PSG8: variants seen among roughly 807,000 people sequenced by gnomAD.
The protein encoded by PSG8 is pregnancy-specific beta-1-glycoprotein 8.
In PSG8, 57 loss-of-function variants were observed where a neutral mutation model predicts 42.5. That is an observed-to-expected ratio of 1.34 (90% CI 1.08 to 1.67). The LOEUF (loss-of-function observed/expected upper bound fraction) is 1.67, where lower values mean the gene tolerates loss of function less well. Among genes scored for constraint, PSG8 ranks in the 40% most tolerant of loss-of-function variants. The probability of loss-of-function intolerance (pLI) is 0.00; values close to 1 mark genes in which losing one functional copy is unlikely to be tolerated. For synonymous variants in PSG8, 280 were observed against 196.8 expected, an observed-to-expected ratio of 1.42 and a Z score of -3.54; for missense variants, 783 against 518.6, an observed-to-expected ratio of 1.51 and a Z score of -4.95.
rs943698791 is a variant in PSG8 at position 42,763,735 on chromosome 19, G to A, written c.430+181C>T. On this transcript the variant is annotated intron_variant, in intron 2 of 4. Transcript: ENST00000306511. ...GTCTGCAGGGTCTGGATGCGGGAAA[G>A]GAATTCTGATCTGTTGAAATTTGTC... The A allele has an allele frequency of 1.8e-5, 22 of 1,240,530 alleles. No homozygotes were observed. In the African/African-American group the frequency reaches 3.3e-4, roughly 18 times the overall value. 76.8% of individuals were successfully genotyped at this position (1,240,530 alleles called of 1,614,324 possible). A position where few individuals can be genotyped will look rare whatever the true frequency, so the allele number is the denominator to read the frequency against.
downstream of PSG8, chr19:42,753,210 T>C (rs569186357): frequency 4.5e-5 from 35 of 769,622 alleles, no homozygotes; most frequent in South Asian, 4.5e-4. Flanking sequence ...TTTTAGTGAG[T>C]TCTGAGTGGC....
intron 2 of PSG8, among the ~76,000 whole-genome samples, chr19:42,761,666 T>C (rs948912151): frequency 6.6e-6 from 1 of 152,000 alleles, no homozygotes; most frequent in Non-Finnish European, 1.5e-5. Flanking sequence ...GCAGTACTTA[T>C]TTTTTAGTCC....
rs148036395 is a variant in PSG8 at position 42,764,217 on chromosome 19, G to T, written c.129C>A (p.Thr43=). The T allele has an allele frequency of 6.2e-6, 10 of 1,613,666 alleles. No homozygotes were observed. Among genetic ancestry groups the T allele is most frequent in the East Asian group, 2.2e-5 (1 of 44,836 alleles). The change falls in exon 2 of 5, where the codon ACC becomes ACA. Residue 43 remains threonine (T), a synonymous_variant. Coordinates refer to ENST00000306511, the MANE Select transcript of PSG8 (RefSeq NM_182707.3). ...GAACATCCTTCCCCTCAGAAACTTT[G>T]GTTGGCTGGGCTTCAATCGTGACTT... ...TAQVTIEAQP[T]KVSEGKDVLL...
At position 42,757,197 on chromosome 19, in the gene PSG8, G is replaced by C. The variant is rs1322801084; in HGVS notation, c.709+805C>G. 2.0e-5 allele frequency among the ~76,000 whole-genome samples: 3 copies of C among 152,144 alleles called. No individual in the cohort carries two copies. The East Asian group carries it at 5.8e-4, about 29-fold the overall frequency. On this transcript the variant is annotated intron_variant, in intron 3 of 4. Transcript: ENST00000306511. The stretch of plus-strand genomic sequence containing the variant: ...GAAAGAGTGAAGGGGACAGGCAAAA[G>C]CTGGTGGTTTTGGAGCAGAAACATA...
In PSG8 at chr19:42,758,530, A is replaced by T. The variant is rs558371889; in HGVS notation, c.431-250T>A. The T allele has an allele frequency of 2.5e-5, 20 of 806,830 alleles. No individual in the cohort carries two copies. The South Asian group carries it at 4.1e-4, about 16-fold the overall frequency. The allele number at this position is 806,830 out of a possible 1,614,324, so 50.0% of individuals were successfully genotyped here. On this transcript the variant is annotated intron_variant, in intron 2 of 4. Transcript: ENST00000306511. ...AGCAGCAGCATTGGGTCATGGAAAG[A>T]CACAGGACCAGCAGTCACAGCCCCT...
At chr19:42,760,098 G>T (rs1271489944) in intron 2 of PSG8, among the ~76,000 whole-genome samples, 19 of 152,156 alleles carry the variant, frequency 1.2e-4, no homozygotes, top group Non-Finnish European at 2.8e-4. Context: ...CCCAAAACAG[G>T]TATGTGAAAT....
At chr19:42,759,306 G>A (rs557209038) in intron 2 of PSG8, among the ~76,000 whole-genome samples, 4 of 152,238 alleles carry the variant, frequency 2.6e-5, no homozygotes, top group East Asian at 1.9e-4. Context: ...TAGAATAGGA[G>A]TTTCTACGAG....
At chr19:42,758,424 G>A (rs1600412448) in intron 2 of PSG8, 144 bp from the exon 3 acceptor site, 2 of 1,492,852 alleles carry the variant, frequency 1.3e-6, no homozygotes, top group East Asian at 4.5e-5. Context: ...TTGCAAGACA[G>A]ATGCAGGGCA....
downstream of PSG8, chr19:42,753,077 T>G (rs562845772): frequency 0.012 from 7,123 of 607,430 alleles, 330 homozygotes; most frequent in African/African-American, 0.11. Flanking sequence ...TTAAGAGGGG[T>G]GAGAGCCTCA....
At chr19:42,760,407 C>T (rs1600416025) in intron 2 of PSG8, among the ~76,000 whole-genome samples, 1 of 152,216 alleles carries the variant, frequency 6.6e-6, no homozygotes, top group Admixed American at 6.5e-5. Flanking sequence ...TTGCTATTGT[C>T]AAAACAAAAT....
At chr19:42,758,585 C>G (rs1419701370) in intron 2 of PSG8, 41 of 477,200 alleles carry the variant, frequency 8.6e-5, no homozygotes, top group South Asian at 3.0e-4. Context: ...CCGTCTCCAA[C>G]TGCCTGCCTG....
In PSG8 at chr19:42,761,820, A is replaced by ATTTTTTTTTTTTTTTTTTTTTTTTTTTT. The variant is rs58868359; in HGVS notation, c.430+2068_430+2095dup. On this transcript the variant is annotated intron_variant, in intron 2 of 4. Coordinates refer to ENST00000306511, the MANE Select transcript of PSG8 (RefSeq NM_182707.3). Reference sequence around the variant, plus strand: ...TTGACTAGAAACCAACATTTCAATAATTTTTTTTTTTTTTTTTTTTTTTTT... The same window carrying ATTTTTTTTTTTTTTTTTTTTTTTTTTTT: ...TTGACTAGAAACCAACATTTCAATAATTTTTTTTTTTTTTTTTTTTTTTTTTTTTTTTTTTTTTTTTTTTTTTTTTTTT... Among the ~76,000 whole-genome samples the ATTTTTTTTTTTTTTTTTTTTTTTTTTTT allele has an allele frequency of 1.3e-4, 9 of 70,394 alleles. 2 individuals carry two copies. The highest frequency in any genetic ancestry group is 6.9e-4 in the South Asian group (1 of 1,458). The allele number at this position is 70,394 out of a possible 152,430, so 46.2% of individuals were successfully genotyped here.
Position 42,755,265 on chromosome 19 carries a change from C to T in PSG8, c.711G>A (p.Pro237=), listed in dbSNP as rs758446289. The change falls in exon 4 of 5, where the codon CCG becomes CCA. Residue 237 remains proline, a splice_region_variant and synonymous_variant. Transcript: ENST00000306511. ...RSDPFTLNLL[P]KLPKPYITIN... ...TGGTGATGTAGGGCTTGGGCAGCTT[C>T]GCTGTGTGGATAACAGAGAGAAGAT... is the stretch of plus-strand genomic sequence containing the variant. The T allele has an allele frequency of 1.8e-5, 29 of 1,611,906 alleles. No individual in the cohort carries two copies. The highest frequency in any genetic ancestry group is 1.0e-4 in the Admixed American group (6 of 59,956).
At chr19:42,753,788 A>T (rs912350112), downstream of PSG8, among the ~76,000 whole-genome samples, 4 of 152,188 alleles carry the variant, frequency 2.6e-5, no homozygotes, top group Non-Finnish European at 4.4e-5. Flanking sequence ...AATATAACCA[A>T]TGATTTGAAA....
At chr19:42,753,374 A>T (rs751557759), downstream of PSG8, 6 of 780,384 alleles carry the variant, frequency 7.7e-6, no homozygotes, top group Non-Finnish European at 1.2e-5. Flanking sequence ...GGTAATGTCC[A>T]GTCTACAGGT....
intron 2 of PSG8, among the ~76,000 whole-genome samples, chr19:42,761,764 T>A (rs1030238779): frequency 2.6e-5 from 4 of 152,014 alleles, no homozygotes; most frequent in African/African-American, 9.7e-5. Context: ...TGTCCTCCTG[T>A]TTGGCAGACT....
At position 42,765,575 on chromosome 19, in the gene PSG8, G is replaced by T. The variant is rs757986183; in HGVS notation, c.7C>A (p.Leu3Ile). The change falls in exon 1 of 5, where the codon CTC (leucine) becomes ATC (isoleucine). Residue 3 changes from leucine (L) to isoleucine (I), a missense_variant. Physicochemically the swap from Leu to Ile is conservative, Grantham distance 5. Transcript: ENST00000306511. The stretch of plus-strand genomic sequence containing the variant: ...TGTGTGCAGGGAGGGGCTGAGAGGA[G>T]CCCCATGGTCTCTGCTGTCTGTGTG... MG[L>I]LSAPPCTQRI... The T allele has an allele frequency of 1.2e-6, 2 of 1,610,970 alleles. No individual in the cohort carries two copies. Among genetic ancestry groups the T allele is most frequent in the East Asian group, 2.2e-5 (1 of 44,844 alleles).
chr19:42,762,674 G>A (rs1284907213), intron 2 of PSG8, among the ~76,000 whole-genome samples: 7 of 151,958 alleles, frequency 4.6e-5, no homozygotes, highest in Admixed American at 4.6e-4. Context: ...GGGAAACACA[G>A]GATTTCAGGT....
chr19:42,755,166 G>C lies in PSG8; in HGVS notation c.810C>G (p.Thr270=). The change falls in exon 4 of 5, where the codon ACC becomes ACG. Residue 270 remains threonine (T), a synonymous_variant. Transcript: ENST00000306511. The part of the protein sequence containing the change: ...FTCEPKSENY[T]YIWWLNGQSL... ...TCTGACCATTTAGCCACCAAATGTA[G>C]GTGTAGTTCTCACTCTTAGGTTCAC... The C allele has an allele frequency of 6.2e-7, 1 of 1,611,842 alleles. No homozygotes were observed. Among genetic ancestry groups the C allele is most frequent in the Non-Finnish European group, 8.5e-7 (1 of 1,179,776 alleles).
Sources: gnomAD v4.1 joint callset for allele counts (sites outside exome capture counted in the v4.1 genomes callset) on GRCh38, gnomAD v4.1.1 for gene constraint, MANE v1.5 for transcripts, NCBI Gene and HGNC (gene_info 2026-07-23, HGNC 2026-07-21) for gene names.